The following SORCS1 variants were observed in gnomAD, a reference collection of about 807,000 sequenced individuals.
SORCS1 encodes the protein VPS10 domain-containing receptor SorCS1.
In SORCS1, 60 loss-of-function variants were observed where a neutral mutation model predicts 146.1. The observed-to-expected ratio is 0.41, with a 90% confidence interval of 0.33 to 0.51. SORCS1 has a LOEUF of 0.51. Ranked by LOEUF, SORCS1 falls within the 20% of genes least tolerant of loss-of-function variation. SORCS1 has a pLI of 0.21. For missense variants in SORCS1, 1,352 were observed against 1,487.6 expected, an observed-to-expected ratio of 0.91 and a Z score of 1.50; for synonymous variants, 637 against 584.0, an observed-to-expected ratio of 1.09 and a Z score of -1.31.
chr10:107,158,481 A>C (rs1590269243), intron 1 of SORCS1, among the ~76,000 whole-genome samples: 1 of 152,194 alleles, frequency 6.6e-6, no homozygotes. Context: ...CTACATTTCA[A>C]GGTTTCTCTG....
At chr10:106,828,139 C>T (rs1438350698) in intron 3 of SORCS1, among the ~76,000 whole-genome samples, 3 of 152,164 alleles carry the variant, frequency 2.0e-5, no homozygotes, top group Non-Finnish European at 2.9e-5. Flanking sequence ...AACCGAATCC[C>T]ACTGTGCTTG....
intron 2 of SORCS1, among the ~76,000 whole-genome samples, chr10:106,876,631 G>GGAT (rs1386918699): frequency 6.6e-6 from 1 of 152,178 alleles, no homozygotes; most frequent in Non-Finnish European, 1.5e-5. Flanking sequence ...ATGACGGACA[G>GGAT]GATGCCCAAG....
At chr10:106,983,188 CT>C (rs1564886315) in intron 1 of SORCS1, among the ~76,000 whole-genome samples, 16 of 146,516 alleles carry the variant, frequency 1.1e-4, no homozygotes, top group African/African-American at 3.5e-4. Context: ...ACATATTTCT[CT>C]ATATATACAT....
rs1024138631 is a variant in SORCS1 at position 107,060,178 on chromosome 10, T to C, written c.559-103598A>G. On this transcript the variant is annotated intron_variant, in intron 1 of 25. Coordinates refer to ENST00000263054, the MANE Select transcript of SORCS1 (RefSeq NM_052918.5). The surrounding 1 kb of genome is among the most constrained non-coding windows in gnomAD (Gnocchi z 4.1). Reference sequence around the variant, plus strand: ...ATATGTACACATGCACACTGGAATATTAAAATGTAGACAGAAGGATGGAAA... The same window carrying C: ...ATATGTACACATGCACACTGGAATACTAAAATGTAGACAGAAGGATGGAAA... Among the ~76,000 whole-genome samples, 27 of 151,880 alleles carry C rather than the reference T, an allele frequency of 1.8e-4. No individual in the cohort carries two copies. The highest frequency in any genetic ancestry group is 6.3e-4 in the African/African-American group (26 of 41,328).
chr10:106,889,591 C>T (rs567859800), intron 2 of SORCS1, among the ~76,000 whole-genome samples: 2 of 151,236 alleles, frequency 1.3e-5, no homozygotes, highest in Middle Eastern at 3.2e-3. Flanking sequence ...GGTGAAACCC[C>T]GTCTCTACTA....
At chr10:107,002,985 G>GTAATCC (rs1225331442) in intron 1 of SORCS1, among the ~76,000 whole-genome samples, 64 of 152,310 alleles carry the variant, frequency 4.2e-4, no homozygotes, top group African/African-American at 1.5e-3. Flanking sequence ...GCCGAGTGTG[G>GTAATCC]TGGCTCACAC....
In SORCS1 at chr10:106,641,277, C is replaced by T. The variant is rs560049589; in HGVS notation, c.2475+11105G>A. On this transcript the variant is annotated intron_variant, in intron 18 of 25. Coordinates refer to ENST00000263054, the MANE Select transcript of SORCS1 (RefSeq NM_052918.5). ...TGTCATCTAGGTTTTGAGGGTGACC[C>T]CATATGCTATTTGCAGGAAAGAATC... Among the ~76,000 whole-genome samples, 83 of 152,080 alleles carry T rather than the reference C, an allele frequency of 5.5e-4. 1 individual carries two copies. The highest frequency in any genetic ancestry group is 3.4e-3 in the Middle Eastern group (1 of 294).
At chr10:107,122,485 T>C (rs1406657219) in intron 1 of SORCS1, among the ~76,000 whole-genome samples, 3 of 152,180 alleles carry the variant, frequency 2.0e-5, no homozygotes, top group Non-Finnish European at 2.9e-5. Flanking sequence ...AAAAATAGCA[T>C]GGCATTTGAG....
At chr10:106,765,449 G>A (rs1589830563) in intron 4 of SORCS1, among the ~76,000 whole-genome samples, 1 of 151,960 alleles carries the variant, frequency 6.6e-6, no homozygotes, top group South Asian at 2.1e-4. Context: ...GAAGAATGCA[G>A]ATAAAAATAC....
chr10:106,761,519 A>G (rs1859107195), intron 5 of SORCS1, 69 bp downstream of exon 5: 3 of 1,358,614 alleles, frequency 2.2e-6, no homozygotes, highest in African/African-American at 1.4e-5. Context: ...CAAGATTCCA[A>G]TGGGCATTTA....
chr10:106,773,324 C>T (rs1480574753), intron 4 of SORCS1, among the ~76,000 whole-genome samples: 3 of 152,210 alleles, frequency 2.0e-5, no homozygotes, highest in Non-Finnish European at 4.4e-5. Flanking sequence ...CTCATCAGTG[C>T]TAAAAGTTCC....
Position 106,817,762 on chromosome 10 carries a change from C to T in SORCS1, c.726+11812G>A, listed in dbSNP as rs1481941377. Among the ~76,000 whole-genome samples, 4 of 152,268 alleles carry T rather than the reference C, an allele frequency of 2.6e-5. No individual in the cohort carries two copies. In the South Asian group the frequency reaches 6.2e-4, roughly 24 times the overall value. ...CTCCCTTCCATCTGTGAGCTCTCTG[C>T]AGACAGGGCCCTGTGTTATGCATGT... is the stretch of plus-strand genomic sequence containing the variant. On this transcript the variant is annotated intron_variant, in intron 3 of 25. Coordinates refer to ENST00000263054, the MANE Select transcript of SORCS1 (RefSeq NM_052918.5).
intron 10 of SORCS1, 61 bp from the exon 11 acceptor site, chr10:106,679,795 A>G: frequency 7.7e-7 from 1 of 1,303,752 alleles, no homozygotes; most frequent in East Asian, 2.5e-5. Flanking sequence ...TTTGAAGCTC[A>G]GAATCAGATC....
intron 1 of SORCS1, among the ~76,000 whole-genome samples, chr10:107,044,205 A>G (rs1959200449): frequency 1.3e-5 from 2 of 152,140 alleles, no homozygotes; most frequent in African/African-American, 4.8e-5. Context: ...TTGATTCTCA[A>G]TATCAATCTT....
rs1352985548 is a variant in SORCS1, at chr10:106,970,513, A to T, written c.559-13933T>A. On this transcript the variant is annotated intron_variant, in intron 1 of 25. Coordinates refer to ENST00000263054, the MANE Select transcript of SORCS1 (RefSeq NM_052918.5). The stretch of plus-strand genomic sequence containing the variant: ...ACCACCACGCCCGGCTAATTTTTTA[A>T]ATTTTAGTAGAGATGACAGGGTTTC... 1.3e-5 allele frequency among the ~76,000 whole-genome samples: 2 copies of T among 150,718 alleles called. 1 individual carries two copies. The highest frequency in any genetic ancestry group is 4.9e-5 in the African/African-American group (2 of 40,922).
Position 106,738,282 on chromosome 10 carries a change from A to C in SORCS1, c.960-8168T>G, listed in dbSNP as rs192504732. On this transcript the variant is annotated intron_variant, in intron 5 of 25. Coordinates refer to ENST00000263054, the MANE Select transcript of SORCS1 (RefSeq NM_052918.5). ...GTCTAATAATTAATACAGCTGTACT[A>C]TTAATAAAAAGAAAATATTCTCCAT... Among the ~76,000 whole-genome samples the C allele has an allele frequency of 9.8e-5, 15 of 152,366 alleles. No homozygotes were observed. In the East Asian group the frequency reaches 2.5e-3, roughly 25 times the overall value.
rs1189440495 is a variant in SORCS1, at chr10:106,778,848, TC to T, written c.727-2157del. Reference sequence around the variant, plus strand: ...TCCTCTTTTCCCATGAGTATAGATCTCCCCACCTGCTTCTCCTGGCAGAATA... The same window carrying T: ...TCCTCTTTTCCCATGAGTATAGATCTCCCACCTGCTTCTCCTGGCAGAATA... On this transcript the variant is annotated intron_variant, in intron 3 of 25. Transcript: ENST00000263054. 2.0e-5 allele frequency among the ~76,000 whole-genome samples: 3 copies of T among 152,120 alleles called. No homozygotes were observed. The East Asian group carries it at 5.8e-4, about 29-fold the overall frequency.
chr10:106,763,039 G>A (rs1859263805), intron 4 of SORCS1, among the ~76,000 whole-genome samples: 1 of 151,772 alleles, frequency 6.6e-6, no homozygotes, highest in Non-Finnish European at 1.5e-5. Flanking sequence ...AAGTTTAAAG[G>A]GAACAGAGTT....
chr10:106,897,870 C>T (rs970366845), intron 2 of SORCS1, among the ~76,000 whole-genome samples: 3 of 152,212 alleles, frequency 2.0e-5, no homozygotes, highest in African/African-American at 4.8e-5. Context: ...AACAAACATT[C>T]GGTGTCTAGG....
Sources: allele counts gnomAD v4.1 joint callset (sites outside exome capture counted in the v4.1 genomes callset), GRCh38; gene constraint gnomAD v4.1.1; non-coding constraint Gnocchi (gnomAD v3.1); transcripts MANE v1.5; gene names NCBI Gene and HGNC (gene_info 2026-07-23, HGNC 2026-07-21).